The following ZCWPW2 variants were observed in gnomAD, a reference collection of about 807,000 sequenced individuals.
ZCWPW2 encodes zinc finger CW-type and PWWP domain containing 2.
ZCWPW2 carries 45 observed loss-of-function variants against 46.6 expected under a neutral mutation model. That is an observed-to-expected ratio of 0.96 (90% confidence interval 0.76 to 1.24). The LOEUF (loss-of-function observed/expected upper bound fraction) is 1.24, where lower values mean the gene tolerates loss of function less well. Ranked by LOEUF, ZCWPW2 falls within the 50% of genes most tolerant of loss-of-function variation. ZCWPW2 has a pLI of 0.00. For missense variants in ZCWPW2, 429 were observed against 403.9 expected (o/e 1.06, Z -0.53); for synonymous variants, 152 against 137.1 (o/e 1.11, Z -0.76).
rs560424190 is a variant in ZCWPW2, at chr3:28,437,778, GA to G, written c.492+2512del. On this transcript the variant is annotated intron_variant, in intron 4 of 9. Transcript: ENST00000383768. ...TTAATCAGTATCTATAAACATAGCT[GA>G]AATCCAGCCTCCTCTCTTATAAAGA... Among the ~76,000 whole-genome samples the G allele has an allele frequency of 2.5e-3, 386 of 152,290 alleles. 1 individual carries two copies. Among genetic ancestry groups the G allele is most frequent in the African/African-American group, 8.4e-3 (350 of 41,562 alleles).
At chr3:28,448,494 G>A (rs1207798678) in intron 4 of ZCWPW2, among the ~76,000 whole-genome samples, 1 of 151,884 alleles carries the variant, frequency 6.6e-6, no homozygotes, top group Non-Finnish European at 1.5e-5. Context: ...TAGTTAAGGT[G>A]TCAATACCGG....
chr3:28,390,778 A>G (rs1321823974), intron 2 of ZCWPW2, among the ~76,000 whole-genome samples, 161 bp downstream of exon 2: 1 of 152,220 alleles, frequency 6.6e-6, no homozygotes, highest in African/African-American at 2.4e-5. Context: ...TTAAAATACT[A>G]GGAGGTTAAA....
rs760287122 is a variant in ZCWPW2, at chr3:28,390,510, A to G, written c.-121A>G. 3.0e-6 allele frequency: 3 copies of G among 985,406 alleles called. No individual in the cohort carries two copies. Among genetic ancestry groups the G allele is most frequent in the Non-Finnish European group, 3.6e-6 (3 of 829,916 alleles). 61.0% of individuals were successfully genotyped at this position (985,406 alleles called of 1,614,324 possible). Reference sequence around the variant, plus strand: ...ATAACTTCTTCAGATTCATCCCAGTAGAACGCCTGCCTCTTTAGTGACTAC... The same window carrying G: ...ATAACTTCTTCAGATTCATCCCAGTGGAACGCCTGCCTCTTTAGTGACTAC... On this transcript the variant is annotated 5_prime_UTR_variant, in exon 2 of 10. Transcript: ENST00000383768.
rs779204114 is a variant in ZCWPW2, at chr3:28,413,331, G to T, written c.263G>T (p.Gly88Val). The T allele has an allele frequency of 6.2e-7, 1 of 1,613,080 alleles. No individual in the cohort carries two copies. Among genetic ancestry groups the T allele is most frequent in the Non-Finnish European group, 8.5e-7 (1 of 1,179,376 alleles). Residue 88 changes from glycine (G) to valine (V), a missense_variant, in exon 3 of 10, where the codon GGA becomes GTA. Coordinates refer to ENST00000383768, the MANE Select transcript of ZCWPW2 (RefSeq NM_001040432.4). The stretch of plus-strand genomic sequence containing the variant: ...GAAGAGTCTCAGCTTCATCAGTGTG[G>T]ATTTAAGATTGTCTATTCACAGCTC... ...FPEESQLHQC[G>V]FKIVYSQLPL...
chr3:28,520,326 AT>A (rs949499997), intron 8 of ZCWPW2, among the ~76,000 whole-genome samples: 1 of 152,108 alleles, frequency 6.6e-6, no homozygotes, highest in Non-Finnish European at 1.5e-5. Context: ...TAAATGCAGT[AT>A]TTTTTTAAAA....
intron 1 of ZCWPW2, among the ~76,000 whole-genome samples, chr3:28,364,320 C>T (rs1705044957): frequency 2.0e-5 from 3 of 148,970 alleles, no homozygotes; most frequent in Admixed American, 2.0e-4. Flanking sequence ...TAAAAACATT[C>T]TTTTTTTTTT....
chr3:28,521,597 G>T (rs1461725490), intron 9 of ZCWPW2, among the ~76,000 whole-genome samples: 1 of 152,178 alleles, frequency 6.6e-6, no homozygotes, highest in Admixed American at 6.5e-5. Context: ...TTTATATGTA[G>T]ACTCCTCCTT....
At chr3:28,408,495 A>G (rs1292968487) in intron 2 of ZCWPW2, among the ~76,000 whole-genome samples, 2 of 152,180 alleles carry the variant, frequency 1.3e-5, no homozygotes, top group Non-Finnish European at 1.5e-5. Flanking sequence ...TGTGAGGAAT[A>G]GTTTAATCTA....
At chr3:28,488,469 T>G (rs1699683843) in intron 5 of ZCWPW2, among the ~76,000 whole-genome samples, 1 of 152,176 alleles carries the variant, frequency 6.6e-6, no homozygotes, top group Non-Finnish European at 1.5e-5. Context: ...ACGAAAATGC[T>G]CTCAGCTATC....
chr3:28,496,373 C>T (rs938485966), intron 6 of ZCWPW2, among the ~76,000 whole-genome samples: 6 of 151,844 alleles, frequency 4.0e-5, no homozygotes, highest in South Asian at 2.1e-4. Context: ...AAAACATTTC[C>T]ACAAACATTG....
intron 3 of ZCWPW2, among the ~76,000 whole-genome samples, chr3:28,414,127 T>C (rs1490345028): frequency 6.6e-6 from 1 of 152,034 alleles, no homozygotes; most frequent in African/African-American, 2.4e-5. Context: ...TATTTTAGGA[T>C]TTTGATATTA....
intron 4 of ZCWPW2, among the ~76,000 whole-genome samples, chr3:28,467,768 T>G (rs1242855398): frequency 1.3e-5 from 2 of 152,220 alleles, no homozygotes; most frequent in Non-Finnish European, 2.9e-5. Flanking sequence ...ATTACTAGGC[T>G]TACGGGGCTC....
At chr3:28,350,229 G>A (rs923978941) in intron 1 of ZCWPW2, among the ~76,000 whole-genome samples, 76 of 152,166 alleles carry the variant, frequency 5.0e-4, no homozygotes, top group African/African-American at 1.8e-3. Context: ...AAGAATGCTA[G>A]CAAAATTGGT....
At chr3:28,509,065 A>G (rs1418922477) in intron 6 of ZCWPW2, among the ~76,000 whole-genome samples, 1 of 151,830 alleles carries the variant, frequency 6.6e-6, no homozygotes, top group Non-Finnish European at 1.5e-5. Context: ...CACGGAATCT[A>G]TTTTCTGCTT....
At position 28,508,912 on chromosome 3, in the gene ZCWPW2, T is replaced by A. The variant is rs149473912; in HGVS notation, c.658-5152T>A. Among the ~76,000 whole-genome samples, 49 of 152,274 alleles carry A rather than the reference T, an allele frequency of 3.2e-4. 3 individuals carry two copies. Among genetic ancestry groups the A allele is most frequent in the East Asian group, 1.5e-3 (8 of 5,176 alleles). On this transcript the variant is annotated intron_variant, in intron 6 of 9. Coordinates refer to ENST00000383768, the MANE Select transcript of ZCWPW2 (RefSeq NM_001040432.4). Reference sequence around the variant, plus strand: ...GTATATCATACAGTTCATTTTTTTTTAAATGTACAATTCAGTTTTTTCAAA... The same window carrying A: ...GTATATCATACAGTTCATTTTTTTTAAAATGTACAATTCAGTTTTTTCAAA...
chr3:28,513,329 G>A (rs1030198111), intron 6 of ZCWPW2, among the ~76,000 whole-genome samples: 3 of 152,040 alleles, frequency 2.0e-5, no homozygotes, highest in East Asian at 1.9e-4. Context: ...TTAATTATTC[G>A]ATTGGGAAAT....
chr3:28,502,964 G>A (rs914103717), intron 6 of ZCWPW2, among the ~76,000 whole-genome samples: 3 of 152,032 alleles, frequency 2.0e-5, no homozygotes, highest in African/African-American at 7.2e-5. Flanking sequence ...TTACTAAAAA[G>A]CAAACCCAAA....
intron 2 of ZCWPW2, among the ~76,000 whole-genome samples, chr3:28,405,675 T>C (rs886968659): frequency 1.3e-5 from 2 of 151,990 alleles, no homozygotes; most frequent in Non-Finnish European, 2.9e-5. Context: ...GGCGTTTCAC[T>C]GTGTTGGCCA....
chr3:28,366,223 G>C lies in ZCWPW2; in HGVS notation c.-134+17020G>C, dbSNP rs969131089. Among the ~76,000 whole-genome samples the C allele has an allele frequency of 8.3e-5, 11 of 131,926 alleles. No individual in the cohort carries two copies. In the East Asian group the frequency reaches 1.3e-3, roughly 15 times the overall value. The allele number at this position is 131,926 out of a possible 152,430, so 86.5% of individuals were successfully genotyped here. ...GAGAGGGGATCCCTGTCTTGTGCCA[G>C]TTTTCACAGGGAATGCTTCCAGTTT... On this transcript the variant is annotated intron_variant, in intron 1 of 9. Transcript: ENST00000383768.
Sources: gnomAD v4.1 joint callset for allele counts (sites outside exome capture counted in the v4.1 genomes callset) on GRCh38, gnomAD v4.1.1 for gene constraint, MANE v1.5 for transcripts, NCBI Gene and HGNC (gene_info 2026-07-23, HGNC 2026-07-21) for gene names.